TTC28: variants seen among roughly 807,000 people sequenced by gnomAD.
TTC28 encodes tetratricopeptide repeat domain 28, also known as tetratricopeptide repeat protein 28.
Under a neutral mutation model 198.0 loss-of-function variants are expected in TTC28, and 61 were observed. The ratio of observed to expected loss-of-function variants is 0.31; its 90% confidence interval spans 0.25 to 0.38. The LOEUF (loss-of-function observed/expected upper bound fraction) is 0.38, where lower values mean the gene tolerates loss of function less well. TTC28 is among the 10% of genes least tolerant of loss of function. The pLI, the probability that TTC28 is intolerant of heterozygous loss-of-function variation, is 1.00. For missense variants in TTC28, 2,678 were observed against 3,164.0 expected (o/e 0.85, Z 3.69); for synonymous variants, 1,171 against 1,297.8 (o/e 0.90, Z 2.10).
chr22:28,329,865 T>C (rs936656670), intron 2 of TTC28, among the ~76,000 whole-genome samples: 5 of 152,214 alleles, frequency 3.3e-5, no homozygotes, highest in African/African-American at 1.2e-4. Context: ...CTAACATTTC[T>C]TACCCAAGAG....
intron 2 of TTC28, among the ~76,000 whole-genome samples, chr22:28,488,442 A>C (rs1357908709): frequency 3.9e-5 from 6 of 152,198 alleles, no homozygotes; most frequent in African/African-American, 1.4e-4. Context: ...GCTAAGCTTG[A>C]GGCAGTTACA....
intron 12 of TTC28, among the ~76,000 whole-genome samples, chr22:28,076,850 A>G (rs920897145): frequency 2.0e-5 from 3 of 152,196 alleles, no homozygotes; most frequent in Non-Finnish European, 4.4e-5. Context: ...ATCATTTGCT[A>G]CTTCCCAGTG....
rs1937340941 is a variant in TTC28, at chr22:27,989,984, G to A, written c.5601C>T (p.Leu1867=). 6.4e-7 allele frequency: 1 copy of A among 1,550,982 alleles called. No homozygotes were observed. The highest frequency in any genetic ancestry group is 8.7e-7 in the Non-Finnish European group (1 of 1,146,818). The stretch of plus-strand genomic sequence containing the variant: ...AGTCCTGCTCCTTCTCGCCAGCCTG[G>A]AGCTGAACCAGCACCTGGTGGAGCT... The part of the protein sequence containing the change: ...VGMLHQVLVQ[L]QAGEKEQDLA... Residue 1867 remains leucine, a synonymous_variant, in exon 21 of 23, where the codon CTC becomes CTT. Transcript: ENST00000397906.
intron 12 of TTC28, among the ~76,000 whole-genome samples, chr22:28,091,101 T>C (rs976570238): frequency 1.3e-5 from 2 of 152,202 alleles, no homozygotes; most frequent in African/African-American, 4.8e-5. Flanking sequence ...CACAAGCAAG[T>C]TGCAGTCTTT....
intron 2 of TTC28, among the ~76,000 whole-genome samples, chr22:28,417,329 G>C (rs953123174): frequency 1.3e-4 from 18 of 136,438 alleles, no homozygotes; most frequent in African/African-American, 4.5e-4. Context: ...AAAAAAAAAG[G>C]ACAGGTGTGA....
chr22:28,099,583 C>G (rs1942081044), intron 9 of TTC28, among the ~76,000 whole-genome samples: 1 of 152,170 alleles, frequency 6.6e-6, no homozygotes, highest in Non-Finnish European at 1.5e-5. Flanking sequence ...AAAAAGGCAT[C>G]AGATCATGCC....
chr22:28,246,542 G>A (rs1930110186), intron 5 of TTC28, among the ~76,000 whole-genome samples: 1 of 152,140 alleles, frequency 6.6e-6, no homozygotes, highest in Admixed American at 6.5e-5. Flanking sequence ...GCTAGGAATA[G>A]ACCCTAGCAT....
At chr22:28,475,501 C>T (rs921329000) in intron 2 of TTC28, among the ~76,000 whole-genome samples, 1 of 152,170 alleles carries the variant, frequency 6.6e-6, no homozygotes, top group Admixed American at 6.5e-5. Flanking sequence ...TTTTTTCCCT[C>T]ATCAACTTTG....
At chr22:28,471,123 T>G (rs780376784) in intron 2 of TTC28, among the ~76,000 whole-genome samples, 2 of 152,242 alleles carry the variant, frequency 1.3e-5, no homozygotes, top group Non-Finnish European at 2.9e-5. Flanking sequence ...CTTTCAACGC[T>G]TGGAAAATTG....
chr22:28,375,423 G>A (rs1246119147), intron 2 of TTC28, among the ~76,000 whole-genome samples: 1 of 152,196 alleles, frequency 6.6e-6, no homozygotes, highest in Admixed American at 6.5e-5. Context: ...CTTCAATCCA[G>A]ACTGTGCTCC....
intron 5 of TTC28, among the ~76,000 whole-genome samples, chr22:28,244,437 C>G (rs1033340764): frequency 6.6e-6 from 1 of 152,152 alleles, no homozygotes; most frequent in African/African-American, 2.4e-5. Context: ...TCTTGATTTT[C>G]TAATCAGAAG....
intron 6 of TTC28, among the ~76,000 whole-genome samples, chr22:28,134,128 A>G (rs1943136055): frequency 1.3e-5 from 2 of 152,364 alleles, no homozygotes; most frequent in Middle Eastern, 3.4e-3. Context: ...GCAAACTCCA[A>G]CAGACCTGCA....
At chr22:28,123,577 T>C (rs1228983676) in intron 6 of TTC28, among the ~76,000 whole-genome samples, 1 of 152,226 alleles carries the variant, frequency 6.6e-6, no homozygotes, top group Non-Finnish European at 1.5e-5. Context: ...TCAGTTCTTC[T>C]CAATTCTACC....
intron 2 of TTC28, among the ~76,000 whole-genome samples, chr22:28,531,532 T>C (rs185335939): frequency 6.6e-6 from 1 of 152,272 alleles, no homozygotes; most frequent in Non-Finnish European, 1.5e-5. Flanking sequence ...CATCCAGGAA[T>C]TGAACTCAGC....
chr22:28,022,899 G>A (rs1003996156), intron 13 of TTC28, among the ~76,000 whole-genome samples: 4 of 152,268 alleles, frequency 2.6e-5, no homozygotes, highest in Admixed American at 6.5e-5. Context: ...TCTCCTCTGG[G>A]AGGTGAACCT....
At position 28,565,351 on chromosome 22, in the gene TTC28, T is replaced by C. The variant is rs1474933; in HGVS notation, c.381+64201A>G. On this transcript the variant is annotated intron_variant, in intron 2 of 22. Coordinates refer to ENST00000397906, the MANE Select transcript of TTC28 (RefSeq NM_001145418.2). The stretch of plus-strand genomic sequence containing the variant: ...AAAGGATATTAAAGAAAAAGTAACA[T>C]ATAGTACTTAGAGTGTTTAGTCCTG... Among the ~76,000 whole-genome samples, 246 of 152,284 alleles carry C rather than the reference T, an allele frequency of 1.6e-3. 2 individuals are homozygous for C. Among genetic ancestry groups the C allele is most frequent in the Admixed American group, 2.7e-3 (42 of 15,296 alleles).
chr22:28,157,243 T>G (rs981823539), intron 6 of TTC28, among the ~76,000 whole-genome samples: 3 of 152,148 alleles, frequency 2.0e-5, no homozygotes, highest in Non-Finnish European at 2.9e-5. Flanking sequence ...CCTGCCAAGA[T>G]TGAACCATGA....
chr22:28,031,025 T>C (rs1939052987), intron 12 of TTC28, among the ~76,000 whole-genome samples: 1 of 152,244 alleles, frequency 6.6e-6, no homozygotes, highest in Non-Finnish European at 1.5e-5. Context: ...TAAATTCATA[T>C]TTCCCCTATG....
Position 28,536,215 on chromosome 22 carries a change from A to T in TTC28, c.381+93337T>A, listed in dbSNP as rs1443059919. On this transcript the variant is annotated intron_variant, in intron 2 of 22. Coordinates refer to ENST00000397906, the MANE Select transcript of TTC28 (RefSeq NM_001145418.2). ...CACCGTCTCAAAAAAAAAAAAAAAA[A>T]AAAAACATAAAAATAATAAATTATC... Among the ~76,000 whole-genome samples, 286 of 147,274 alleles carry T rather than the reference A, an allele frequency of 1.9e-3. 1 individual carries two copies. Among genetic ancestry groups the T allele is most frequent in the African/African-American group, 3.5e-3 (138 of 39,304 alleles).
Sources: allele counts gnomAD v4.1 joint callset (sites outside exome capture counted in the v4.1 genomes callset), GRCh38; gene constraint gnomAD v4.1.1; transcripts MANE v1.5; gene names NCBI Gene and HGNC (gene_info 2026-07-23, HGNC 2026-07-21).